The following CUL3 variants were observed in gnomAD, a reference collection of about 807,000 sequenced individuals.
The protein encoded by CUL3 is cullin-3.
In CUL3, 19 loss-of-function variants were observed where a neutral mutation model predicts 89.1. The ratio of observed to expected loss-of-function variants is 0.21; its 90% CI spans 0.15 to 0.31. The LOEUF (loss-of-function observed/expected upper bound fraction) is 0.31. Ranked by LOEUF, CUL3 falls within the 10% of genes least tolerant of loss-of-function variation. The pLI is 1.00. For synonymous variants in CUL3, 351 were observed against 308.4 expected (o/e 1.14, Z -1.45); for missense variants, 469 against 942.3 (o/e 0.50, Z 6.58).
At chr2:224,475,650 C>T (rs2106136746) in intron 15 of CUL3, among the ~76,000 whole-genome samples, 1 of 152,284 alleles carries the variant, frequency 6.6e-6, no homozygotes, top group Middle Eastern at 3.4e-3. Context: ...CAACCCATCA[C>T]CTGAGATCTC....
chr2:224,482,792 CTG>C (rs1197164157), intron 13 of CUL3, among the ~76,000 whole-genome samples: 9 of 152,146 alleles, frequency 5.9e-5, no homozygotes. Flanking sequence ...AGCAAGGAAA[CTG>C]TACAGTTATA....
At chr2:224,541,795 T>G (rs1006103539) in intron 2 of CUL3, among the ~76,000 whole-genome samples, 1 of 151,616 alleles carries the variant, frequency 6.6e-6, no homozygotes, top group Non-Finnish European at 1.5e-5. Flanking sequence ...GAAACCAGAC[T>G]CAAAAGATTA....
intron 3 of CUL3, among the ~76,000 whole-genome samples, chr2:224,519,786 CATG>C (rs1693197310): frequency 6.6e-6 from 1 of 152,080 alleles, no homozygotes; most frequent in Non-Finnish European, 1.5e-5. Flanking sequence ...GTGATATGCA[CATG>C]ATATGATTCT....
chr2:224,557,894 A>AC (rs1694769176), intron 1 of CUL3, 38 bp from the exon 2 acceptor site: 1 of 1,149,724 alleles, frequency 8.7e-7, no homozygotes, highest in East Asian at 2.6e-5. Flanking sequence ...AAAAAAAAAA[A>AC]AAAAAAAAAA....
chr2:224,507,033 A>T, intron 6 of CUL3, 30 bp from the exon 7 acceptor site: 1 of 1,592,478 alleles, frequency 6.3e-7, no homozygotes, highest in African/African-American at 1.4e-5. Context: ...AATTGGCTAC[A>T]TTAAAGATTA....
At chr2:224,574,924 C>CT (rs1291864348) in intron 1 of CUL3, among the ~76,000 whole-genome samples, 1 of 152,136 alleles carries the variant, frequency 6.6e-6, no homozygotes, top group Non-Finnish European at 1.5e-5. Flanking sequence ...ATAAAAAAGA[C>CT]TGAGGCCTCC....
chr2:224,500,514 C>T lies in CUL3; in HGVS notation c.1486-27G>A, dbSNP rs770649476. ...TATGTAAAACAGAAAGAGATATTCC[C>T]CTCAAAATTAACTAGGATTTGCTTT... On this transcript the variant is annotated intron_variant, in intron 10 of 15. Transcript: ENST00000264414. 5 of 1,608,042 alleles carry T rather than the reference C, an allele frequency of 3.1e-6. No homozygotes were observed. The East Asian group carries it at 1.1e-4, about 36-fold the overall frequency.
At chr2:224,515,971 T>C (rs950892113) in intron 3 of CUL3, among the ~76,000 whole-genome samples, 1 of 151,974 alleles carries the variant, frequency 6.6e-6, no homozygotes, top group Non-Finnish European at 1.5e-5. Flanking sequence ...ATTACAGGCG[T>C]GAGCCACCAT....
At chr2:224,490,355 G>A (rs1691914207) in intron 13 of CUL3, among the ~76,000 whole-genome samples, 2 of 152,134 alleles carry the variant, frequency 1.3e-5, no homozygotes, top group Non-Finnish European at 2.9e-5. Context: ...GCCAAACAGG[G>A]AAGGGCCCCC....
intron 3 of CUL3, among the ~76,000 whole-genome samples, chr2:224,522,370 C>T (rs548137378): frequency 6.6e-6 from 1 of 152,098 alleles, no homozygotes; most frequent in Admixed American, 6.6e-5. Flanking sequence ...TTTCTCAATA[C>T]TTTCCATGAT....
intron 1 of CUL3, among the ~76,000 whole-genome samples, chr2:224,573,830 A>G (rs1472426075): frequency 2.6e-5 from 4 of 152,222 alleles, no homozygotes; most frequent in Admixed American, 2.0e-4. Context: ...GAGTAACCAC[A>G]TTATACTTAA....
At chr2:224,555,337 T>C (rs527257874) in intron 2 of CUL3, among the ~76,000 whole-genome samples, 1 of 152,300 alleles carries the variant, frequency 6.6e-6, no homozygotes, top group East Asian at 1.9e-4. Flanking sequence ...GTTTAGAATT[T>C]CTGACATCAT....
intron 3 of CUL3, among the ~76,000 whole-genome samples, chr2:224,526,162 T>G (rs531053429): frequency 1.3e-4 from 20 of 152,292 alleles, no homozygotes; most frequent in East Asian, 9.6e-4. Context: ...CTTGAGCAAA[T>G]TAATGACAAA....
rs1691106265 is a variant in CUL3, at chr2:224,470,848, A to G, written c.*3397T>C. The G allele has an allele frequency of 4.3e-6, 1 of 230,034 alleles. No individual in the cohort carries two copies. Among genetic ancestry groups the G allele is most frequent in the Non-Finnish European group, 8.6e-6 (1 of 116,136 alleles). 14.2% of individuals were successfully genotyped at this position (230,034 alleles called of 1,614,324 possible). On this transcript the variant is annotated 3_prime_UTR_variant, in exon 16 of 16. Coordinates refer to ENST00000264414, the MANE Select transcript of CUL3 (RefSeq NM_003590.5). The stretch of plus-strand genomic sequence containing the variant: ...ACTATTCATGTGAATGAGGTACAAA[A>G]TAAATGAAAATTTTTTAATATGGAA...
At chr2:224,506,162 A>C (rs749528488) in intron 7 of CUL3, 30 bp from the exon 8 acceptor site, 1 of 1,448,740 alleles carries the variant, frequency 6.9e-7, no homozygotes, top group East Asian at 2.4e-5. Flanking sequence ...TTTAGGACAC[A>C]TTATAATAAT....
Position 224,492,273 on chromosome 2 carries a change from T to C in CUL3, c.1842+3559A>G, listed in dbSNP as rs963619365. On this transcript the variant is annotated intron_variant, in intron 13 of 15. Transcript: ENST00000264414. ...CAACTCAGGTTAGTCAATAAATTTGTAAGGAATTTCCATGATTCTCGAGTT... is the reference window on the plus strand; with the variant it reads ...CAACTCAGGTTAGTCAATAAATTTGCAAGGAATTTCCATGATTCTCGAGTT... Among the ~76,000 whole-genome samples, 185 of 152,306 alleles carry C rather than the reference T, an allele frequency of 1.2e-3. 1 individual carries two copies. The highest frequency in any genetic ancestry group is 1.2e-4 in the Non-Finnish European group (8 of 68,028).
intron 1 of CUL3, among the ~76,000 whole-genome samples, chr2:224,574,947 T>C (rs926590008): frequency 1.3e-5 from 2 of 152,148 alleles, no homozygotes; most frequent in African/African-American, 4.8e-5. Flanking sequence ...AAGAAAATTA[T>C]GCTCTAAAAA....
At chr2:224,526,610 AAG>A (rs1437878375) in intron 3 of CUL3, among the ~76,000 whole-genome samples, 6 of 149,686 alleles carry the variant, frequency 4.0e-5, no homozygotes, top group African/African-American at 1.2e-4. Context: ...AAAAAAAAAA[AAG>A]AAAAGAAAAA....
At chr2:224,503,334 G>A (rs1692463584) in intron 9 of CUL3, among the ~76,000 whole-genome samples, 1 of 152,142 alleles carries the variant, frequency 6.6e-6, no homozygotes, top group Non-Finnish European at 1.5e-5. Context: ...TGATTCACGT[G>A]CAAGTATTCT....
Sources: gnomAD v4.1 joint callset for allele counts (sites outside exome capture counted in the v4.1 genomes callset) on GRCh38, gnomAD v4.1.1 for gene constraint, MANE v1.5 for transcripts, NCBI Gene and HGNC (gene_info 2026-07-23, HGNC 2026-07-21) for gene names.